GSE1: variants seen among roughly 807,000 people sequenced by gnomAD.
GSE1 encodes Gse1 coiled-coil protein.
In GSE1, 32 loss-of-function variants were observed where a neutral mutation model predicts 112.6. That is an observed-to-expected ratio of 0.28 (90% CI 0.21 to 0.38). GSE1 has a LOEUF of 0.38. Among genes scored for constraint, GSE1 ranks in the 10% least tolerant of loss-of-function variants. GSE1 has a pLI of 1.00. For synonymous variants in GSE1, 1,115 were observed against 735.6 expected (o/e 1.52, Z -8.35); for missense variants, 2,348 against 1,699.2 (o/e 1.38, Z -6.71).
intron 1 of GSE1, among the ~76,000 whole-genome samples, chr16:85,298,007 G>T (rs901097338): frequency 1.3e-5 from 2 of 152,178 alleles, no homozygotes; most frequent in African/African-American, 4.8e-5. Context: ...ATTGCCTTCC[G>T]TGAAGACAGT....
At chr16:85,512,255 C>T (rs1319930810) in intron 2 of GSE1, among the ~76,000 whole-genome samples, 1 of 152,210 alleles carries the variant, frequency 6.6e-6, no homozygotes, top group Non-Finnish European at 1.5e-5. Context: ...GCAGTATTCA[C>T]CGCAGCTGTG....
chr16:85,280,374 A>G (rs748428700), intron 1 of GSE1, among the ~76,000 whole-genome samples: 11 of 152,146 alleles, frequency 7.2e-5, no homozygotes, highest in African/African-American at 2.6e-4. Flanking sequence ...GGGCTGTCCC[A>G]CTGGGTCATA....
chr16:85,452,384 C>T (rs1013534180), intron 2 of GSE1, among the ~76,000 whole-genome samples: 1 of 152,234 alleles, frequency 6.6e-6, no homozygotes, highest in Non-Finnish European at 1.5e-5. Context: ...CCACCTCTCC[C>T]TCTGTCTGGC....
At chr16:85,599,794 A>G (rs1176892168) in intron 1 of GSE1, among the ~76,000 whole-genome samples, 1 of 152,148 alleles carries the variant, frequency 6.6e-6, no homozygotes, top group Non-Finnish European at 1.5e-5. Context: ...CAGCTACTTG[A>G]GAAGCTGAGG....
At chr16:85,272,286 G>A (rs968962587) in intron 1 of GSE1, among the ~76,000 whole-genome samples, 27 of 152,224 alleles carry the variant, frequency 1.8e-4, no homozygotes, top group African/African-American at 4.6e-4. Context: ...GGGACGATCC[G>A]TTTTTCCATG....
intron 2 of GSE1, among the ~76,000 whole-genome samples, chr16:85,467,628 G>C (rs180908197): frequency 6.7e-4 from 102 of 152,280 alleles, no homozygotes; most frequent in Non-Finnish European, 1.0e-3. Flanking sequence ...TTGGCTCCCA[G>C]AGCCAGTGTC....
intron 2 of GSE1, among the ~76,000 whole-genome samples, chr16:85,526,705 G>A (rs1354743962): frequency 6.6e-6 from 1 of 152,214 alleles, no homozygotes; most frequent in African/African-American, 2.4e-5. Flanking sequence ...GCCTGTGACT[G>A]CATAAGAAAG....
Position 85,374,934 on chromosome 16 carries a change from C to A in GSE1, c.2464+17291C>A, listed in dbSNP as rs1308510855. On this transcript the variant is annotated intron_variant, in intron 2 of 2. Transcript: ENST00000637419. ...TTGTGCCTTCCCTTTGGGGCCGAGG[C>A]CATCCCAATTGGGCACCCCTTTGCC... Among the ~76,000 whole-genome samples the A allele has an allele frequency of 1.3e-5, 2 of 152,326 alleles. 1 individual carries two copies. The highest frequency in any genetic ancestry group is 4.1e-4 in the South Asian group (2 of 4,824).
intron 2 of GSE1, among the ~76,000 whole-genome samples, chr16:85,398,614 C>T (rs2048020860): frequency 6.6e-6 from 1 of 152,106 alleles, no homozygotes; most frequent in Non-Finnish European, 1.5e-5. Flanking sequence ...ATCCGACAAA[C>T]CGCTGCATGA....
intron 1 of GSE1, among the ~76,000 whole-genome samples, chr16:85,258,903 TGCCGC>T (rs1000372678): frequency 6.6e-6 from 1 of 152,198 alleles, no homozygotes; most frequent in African/African-American, 2.4e-5. Flanking sequence ...CCAGCTGCCC[TGCCGC>T]GTGGTTGCTA....
chr16:85,287,951 C>T (rs148453038), intron 1 of GSE1, among the ~76,000 whole-genome samples: 108 of 152,216 alleles, frequency 7.1e-4, no homozygotes, highest in African/African-American at 9.9e-4. Flanking sequence ...ATGAAATAAG[C>T]GCTATTGGCC....
intron 2 of GSE1, among the ~76,000 whole-genome samples, chr16:85,375,872 A>G (rs941560514): frequency 6.6e-6 from 1 of 152,222 alleles, no homozygotes; most frequent in African/African-American, 2.4e-5. Context: ...ACTGCATGCC[A>G]GCTCTCGTGC....
chr16:85,175,521 AGC>A (rs2074444148), intron 1 of GSE1, among the ~76,000 whole-genome samples: 1 of 152,176 alleles, frequency 6.6e-6, no homozygotes, highest in Non-Finnish European at 1.5e-5. Flanking sequence ...CCTGGGTGAG[AGC>A]GCCTGGCTCG....
At chr16:85,567,453 C>T (rs2045806460) in intron 1 of GSE1, among the ~76,000 whole-genome samples, 1 of 152,208 alleles carries the variant, frequency 6.6e-6, no homozygotes. Context: ...TCCTCTCACT[C>T]AGGCCTGGCA....
intron 2 of GSE1, among the ~76,000 whole-genome samples, chr16:85,392,311 T>G (rs1473167947): frequency 1.3e-5 from 2 of 152,222 alleles, no homozygotes; most frequent in African/African-American, 4.8e-5. Flanking sequence ...GGACACCCAG[T>G]GAAACTTAAA....
intron 2 of GSE1, chr16:85,462,940 G>T (rs908939065): frequency 1.6e-5 from 3 of 184,986 alleles, no homozygotes; most frequent in Non-Finnish European, 3.1e-5. Context: ...CAGAATCCCG[G>T]GGCTCCATCC....
intron 3 of GSE1, among the ~76,000 whole-genome samples, chr16:85,651,026 G>GCTCCTCCCCCTCCCC (rs2051294128): frequency 9.1e-6 from 1 of 109,302 alleles, no homozygotes; most frequent in Non-Finnish European, 2.0e-5. Context: ...TGACGGATTT[G>GCTCCTCCCCCTCCCC]CTCCTCCCCC....
chr16:85,472,382 C>T (rs2050322564), intron 2 of GSE1, among the ~76,000 whole-genome samples: 1 of 152,174 alleles, frequency 6.6e-6, no homozygotes, highest in African/African-American at 2.4e-5. Flanking sequence ...TGGCTTCTGG[C>T]CACACTGCCG....
chr16:85,668,442 A>T lies in GSE1; in HGVS notation c.3415+18A>T. 1 of 1,524,798 alleles carries T rather than the reference A, an allele frequency of 6.6e-7. No homozygotes were observed. The highest frequency in any genetic ancestry group is 1.2e-5 in the South Asian group (1 of 85,180). 94.5% of individuals were successfully genotyped at this position (1,524,798 alleles called of 1,614,324 possible). ...CATAGAAGGTAAGGGGGTGCTGGGG[A>T]AGAGGGGGGAGGGGGTCAGGAAAGT... is the stretch of plus-strand genomic sequence containing the variant. On this transcript the variant is annotated intron_variant, in intron 14 of 15. Transcript: ENST00000253458.
Sources: allele counts gnomAD v4.1 joint callset (sites outside exome capture counted in the v4.1 genomes callset), GRCh38; gene constraint gnomAD v4.1.1; transcripts MANE v1.5; gene names NCBI Gene and HGNC (gene_info 2026-07-23, HGNC 2026-07-21).